DHX57: variants seen among roughly 807,000 people sequenced by gnomAD.
DHX57 encodes the protein DExH-box helicase 57, also known as putative ATP-dependent RNA helicase DHX57.
In DHX57, 105 loss-of-function variants were observed where a neutral mutation model predicts 156.2. The observed-to-expected ratio is 0.67, with a 90% CI of 0.57 to 0.79. The LOEUF (loss-of-function observed/expected upper bound fraction) is 0.79, where lower values mean the gene tolerates loss of function less well. Among genes scored for constraint, DHX57 ranks in the 30% least tolerant of loss-of-function variants. The pLI is 0.00. For synonymous variants in DHX57, 704 were observed against 595.6 expected (o/e 1.18, Z -2.65); for missense variants, 1,847 against 1,661.9 (o/e 1.11, Z -1.94).
At chr2:38,815,787 G>C in intron 19 of DHX57, 132 bp from the exon 20 acceptor site, 5 of 1,084,046 alleles carry the variant, frequency 4.6e-6, no homozygotes, top group Non-Finnish European at 6.6e-6. Context: ...TCATTCCTCA[G>C]GTATGAAGAG....
At chr2:38,874,736 G>C (rs1332125681) in intron 1 of DHX57, among the ~76,000 whole-genome samples, 1 of 152,090 alleles carries the variant, frequency 6.6e-6, no homozygotes, top group East Asian at 1.9e-4. Context: ...AATCTGTGTT[G>C]GGTTGGGAAA....
At chr2:38,810,509 G>T in intron 21 of DHX57, 1 of 556,392 alleles carries the variant, frequency 1.8e-6, no homozygotes, top group Non-Finnish European at 3.5e-6. Context: ...TGAGACTGGT[G>T]TCACCGACTG....
intron 8 of DHX57, chr2:38,854,707 G>A (rs543900304): frequency 4.2e-4 from 86 of 205,344 alleles, no homozygotes; most frequent in Admixed American, 8.1e-4. Context: ...GATTACAGGC[G>A]TGTGCCACCA....
chr2:38,806,969 G>T (rs1669972702), intron 21 of DHX57, among the ~76,000 whole-genome samples: 1 of 150,574 alleles, frequency 6.6e-6, no homozygotes, highest in Admixed American at 6.7e-5. Context: ...TTGATATTTT[G>T]GGTCTGTACT....
chr2:38,809,957 G>A (rs769110144), intron 21 of DHX57, among the ~76,000 whole-genome samples: 2 of 149,814 alleles, frequency 1.3e-5, no homozygotes, highest in Non-Finnish European at 3.0e-5. Flanking sequence ...GCAATGATGC[G>A]ATCTCTGCTC....
At chr2:38,851,892 T>A (rs892931151) in intron 9 of DHX57, among the ~76,000 whole-genome samples, 5 of 152,208 alleles carry the variant, frequency 3.3e-5, no homozygotes, top group African/African-American at 1.2e-4. Flanking sequence ...TTCTTTCAGA[T>A]GTTCATTTCC....
In DHX57 at chr2:38,826,547, CAT is replaced by C; in HGVS notation, c.2780_2781del (p.Tyr927CysfsTer13). On this transcript the variant is annotated frameshift_variant, in exon 15 of 24. Transcript: ENST00000457308. LOFTEE classifies it high-confidence loss of function. Reference sequence around the variant, plus strand: ...TCTTTCATTTTCCCAGAATCGATAACATAGACAACATCATCGATGGTTATGGA... The same window carrying C: ...TCTTTCATTTTCCCAGAATCGATAACAGACAACATCATCGATGGTTATGGA... ...ETSITIDDVV[Y>X]VIDSGKMKEK... The C allele has an allele frequency of 6.2e-7, 1 of 1,614,082 alleles. No individual in the cohort carries two copies. The highest frequency in any genetic ancestry group is 8.5e-7 in the Non-Finnish European group (1 of 1,180,002).
intron 12 of DHX57, 149 bp downstream of exon 12, chr2:38,842,856 C>T (rs1199208711): frequency 2.5e-6 from 2 of 785,052 alleles, no homozygotes; most frequent in African/African-American, 3.5e-5. Flanking sequence ...TGTATCTGAA[C>T]TATTTTTCTA....
At chr2:38,840,320 C>T (rs916511163) in intron 12 of DHX57, among the ~76,000 whole-genome samples, 5 of 151,736 alleles carry the variant, frequency 3.3e-5, no homozygotes, top group Non-Finnish European at 7.4e-5. Context: ...AAAAATTGAG[C>T]TAGGAAACAT....
At chr2:38,815,442 T>C in intron 20 of DHX57, 79 bp downstream of exon 20, 2 of 1,565,000 alleles carry the variant, frequency 1.3e-6, no homozygotes, top group Non-Finnish European at 1.7e-6. Flanking sequence ...TGAAGAAGAA[T>C]GTCTACAAGT....
chr2:38,845,115 T>G (rs1157682663), intron 11 of DHX57, among the ~76,000 whole-genome samples: 2 of 151,984 alleles, frequency 1.3e-5, no homozygotes, highest in African/African-American at 4.8e-5. Flanking sequence ...CAGGATCACT[T>G]GGGCCTGGAA....
Position 38,839,740 on chromosome 2 carries a change from T to G in DHX57, c.2426-1793A>C, listed in dbSNP as rs1671882359. The stretch of plus-strand genomic sequence containing the variant: ...GTCTCAAAAAAAAAAAAAAGGAGTT[T>G]TGAAACAATGTTGTTCTGGTAGAAT... On this transcript the variant is annotated intron_variant, in intron 12 of 23. Coordinates refer to ENST00000457308, the MANE Select transcript of DHX57 (RefSeq NM_198963.3). 2.0e-5 allele frequency among the ~76,000 whole-genome samples: 3 copies of G among 151,276 alleles called. No individual in the cohort carries two copies. The South Asian group carries it at 6.3e-4, about 32-fold the overall frequency.
At chr2:38,810,721 TCAG>T (rs1460007511) in intron 21 of DHX57, 1 of 802,592 alleles carries the variant, frequency 1.2e-6, no homozygotes, top group Middle Eastern at 3.8e-4. Flanking sequence ...GTACACCAAC[TCAG>T]CAAATTTCAA....
At chr2:38,848,066 G>A (rs987169285) in intron 10 of DHX57, among the ~76,000 whole-genome samples, 1 of 151,576 alleles carries the variant, frequency 6.6e-6, no homozygotes, top group Non-Finnish European at 1.5e-5. Context: ...CTGGGTGACA[G>A]AGCGAGACTC....
chr2:38,871,469 T>C (rs1665349282), intron 1 of DHX57, among the ~76,000 whole-genome samples: 1 of 152,216 alleles, frequency 6.6e-6, no homozygotes, highest in African/African-American at 2.4e-5. Flanking sequence ...AATAGAGCTA[T>C]ATAAAAGTAA....
intron 21 of DHX57, among the ~76,000 whole-genome samples, chr2:38,811,925 T>C (rs1463692934): frequency 6.6e-6 from 1 of 152,214 alleles, no homozygotes; most frequent in Non-Finnish European, 1.5e-5. Flanking sequence ...CACATTCTTT[T>C]TCTTTTTTCT....
Position 38,798,309 on chromosome 2 carries a change from G to T in DHX57, c.4151C>A (p.Thr1384Asn). ...RIISTIVKLV[T>N]TQ ...CTCTAAGACTGCTTTTTATTGTGTG[G>T]TGACAAGTTTCACAATTGTGCTGAT... The change falls in exon 24 of 24, where the codon ACC becomes AAC. Residue 1384 changes from threonine (T) to asparagine (N), a missense_variant. Coordinates refer to ENST00000457308, the MANE Select transcript of DHX57 (RefSeq NM_198963.3). 2 of 1,612,602 alleles carry T rather than the reference G, an allele frequency of 1.2e-6. No homozygotes were observed. The highest frequency in any genetic ancestry group is 1.7e-6 in the Non-Finnish European group (2 of 1,179,556).
chr2:38,856,501 T>TTA, intron 6 of DHX57, 40 bp from the exon 7 acceptor site: 2 of 1,554,368 alleles, frequency 1.3e-6, no homozygotes, highest in Non-Finnish European at 1.7e-6. Context: ...GGGTTACTTT[T>TTA]TCTTTTTTTT....
At chr2:38,803,059 T>A in intron 22 of DHX57, 144 bp from the exon 23 acceptor site, 1 of 756,406 alleles carries the variant, frequency 1.3e-6, no homozygotes, top group Non-Finnish European at 2.2e-6. Context: ...GCTCCAGATC[T>A]GCAGTATAAC....
Sources: allele counts gnomAD v4.1 joint callset (sites outside exome capture counted in the v4.1 genomes callset), GRCh38; gene constraint gnomAD v4.1.1; transcripts MANE v1.5; gene names NCBI Gene and HGNC (gene_info 2026-07-23, HGNC 2026-07-21).